CLTC: variants seen among roughly 807,000 people sequenced by gnomAD.
The protein encoded by CLTC is clathrin heavy chain, also known as clathrin heavy chain 1.
CLTC carries 16 observed loss-of-function variants against 195.8 expected under a neutral mutation model. The ratio of observed to expected loss-of-function variants is 0.08; its 90% CI spans 0.06 to 0.12. The LOEUF is 0.12. Among genes scored for constraint, CLTC ranks in the 10% least tolerant of loss-of-function variants. The probability of loss-of-function intolerance (pLI) is 1.00; values close to 1 mark genes in which losing one functional copy is unlikely to be tolerated. For missense variants in CLTC, 796 were observed against 2,027.0 expected (o/e 0.39, Z 11.66); for synonymous variants, 667 against 689.4 (o/e 0.97, Z 0.51).
chr17:59,625,036 AT>A (rs1198678010), intron 1 of CLTC, among the ~76,000 whole-genome samples: 3 of 152,146 alleles, frequency 2.0e-5, no homozygotes, highest in African/African-American at 7.2e-5. Flanking sequence ...TCAATATGTA[AT>A]CAGTATAAAA....
Position 59,644,284 on chromosome 17 carries a change from C to A in CLTC, c.51C>A (p.Asn17Lys). The A allele has an allele frequency of 6.2e-7, 1 of 1,613,328 alleles. No individual in the cohort carries two copies. Among genetic ancestry groups the A allele is most frequent in the Non-Finnish European group, 8.5e-7 (1 of 1,179,602 alleles). ...CTTATTATTTTTTCTAGCTCCAGAACCTGGGTATCAACCCAGCAAACATTG... is the reference window on the plus strand; with the variant it reads ...CTTATTATTTTTTCTAGCTCCAGAAACTGGGTATCAACCCAGCAAACATTG... Reference protein sequence around the residue: ...IRFQEHLQLQNLGINPANIGF... With the variant: ...IRFQEHLQLQKLGINPANIGF... The change falls in exon 2 of 32, where the codon AAC (asparagine) becomes AAA (lysine). Residue 17 changes from asparagine (N) to lysine (K), a missense_variant. Around this residue, in one of 9 missense-constraint regions of CLTC, gnomAD observed 24 missense variants for 29.8 expected, o/e 0.81. Coordinates refer to ENST00000269122, the MANE Select transcript of CLTC (RefSeq NM_004859.4).
intron 2 of CLTC, among the ~76,000 whole-genome samples, chr17:59,646,231 G>C (rs1342322829): frequency 6.6e-6 from 1 of 152,074 alleles, no homozygotes; most frequent in Non-Finnish European, 1.5e-5. Context: ...AGTTGAGGAA[G>C]GCAGCAAAGG....
chr17:59,652,896 G>A (rs147592704), intron 5 of CLTC, among the ~76,000 whole-genome samples: 452 of 152,320 alleles, frequency 3.0e-3, no homozygotes, highest in Non-Finnish European at 4.7e-3. Flanking sequence ...GTTGTTTAGT[G>A]TAGCCACCTT....
chr17:59,650,182 A>G (rs1328366695), intron 4 of CLTC, among the ~76,000 whole-genome samples: 1 of 152,094 alleles, frequency 6.6e-6, no homozygotes, highest in Non-Finnish European at 1.5e-5. Context: ...CATTGAGATT[A>G]TTTACTTTTC....
chr17:59,655,870 A>T lies in CLTC; in HGVS notation c.812A>T (p.Asp271Val). The T allele has an allele frequency of 6.3e-7, 1 of 1,584,466 alleles. No homozygotes were observed. The highest frequency in any genetic ancestry group is 8.5e-7 in the Non-Finnish European group (1 of 1,170,392). The change falls in exon 6 of 32, where the codon GAT becomes GTT. Residue 271 changes from aspartate to valine, a missense_variant. By Grantham distance (152) the Asp-to-Val change is radical (BLOSUM62 -3). Transcript: ENST00000269122. ...PVAMQISEKH[D>V]VVFLITKYGY... ...TTTCTGTAGATCAGTGAAAAGCATG[A>T]TGTGGTGTTCTTGATAACCAAGTAT... is the stretch of plus-strand genomic sequence containing the variant.
intron 2 of CLTC, among the ~76,000 whole-genome samples, chr17:59,645,468 A>AT (rs1258708847): frequency 1.3e-5 from 2 of 152,200 alleles, no homozygotes; most frequent in Non-Finnish European, 2.9e-5. Flanking sequence ...AATGAGACTA[A>AT]TTGACCCTTT....
At chr17:59,624,662 T>C (rs768001780) in intron 1 of CLTC, among the ~76,000 whole-genome samples, 23 of 151,752 alleles carry the variant, frequency 1.5e-4, no homozygotes, top group Non-Finnish European at 2.9e-4. Context: ...AGAGATGGGG[T>C]TTTACCATGT....
At chr17:59,624,210 C>T (rs948885830) in intron 1 of CLTC, among the ~76,000 whole-genome samples, 2 of 151,920 alleles carry the variant, frequency 1.3e-5, no homozygotes, top group Non-Finnish European at 1.5e-5. Context: ...GAATGCTGTC[C>T]GAATGGGATG....
Position 59,683,930 on chromosome 17 carries a change from A to G in CLTC, c.4379A>G (p.Asn1460Ser), listed in dbSNP as rs1445125731. 3 of 1,613,750 alleles carry G rather than the reference A, an allele frequency of 1.9e-6. No homozygotes were observed. The highest frequency in any genetic ancestry group is 1.1e-5 in the South Asian group (1 of 91,070). ...TTGCGTTCAGTTCAGAACCATAACA[A>G]CAAATCTGTGAATGAATCATTGAAC... ...PYLRSVQNHN[N>S]KSVNESLNNL... The change falls in exon 28 of 32, where the codon AAC becomes AGC. Residue 1460 changes from asparagine (N) to serine (S), a missense_variant. Transcript: ENST00000269122. The surrounding 1 kb of genome is among the most constrained non-coding windows in gnomAD (Gnocchi z 6.1).
intron 30 of CLTC, chr17:59,690,355 C>T (rs1170644421): frequency 2.6e-5 from 8 of 304,956 alleles, no homozygotes; most frequent in Non-Finnish European, 4.2e-5. Context: ...CTCGTTTTCT[C>T]CCTCCCTCAG....
At chr17:59,668,492 G>A (rs926335881) in intron 13 of CLTC, among the ~76,000 whole-genome samples, 22 of 152,200 alleles carry the variant, frequency 1.4e-4, no homozygotes, top group African/African-American at 5.3e-4. Flanking sequence ...TGAGGCTGCA[G>A]TGAGCTATGA....
intron 6 of CLTC, among the ~76,000 whole-genome samples, chr17:59,656,831 A>C (rs1288330563): frequency 1.1e-4 from 16 of 151,740 alleles, no homozygotes; most frequent in East Asian, 9.7e-4. Flanking sequence ...GAGTCACTGC[A>C]CCCGGCTAAT....
chr17:59,665,666 C>T, intron 10 of CLTC, among the ~76,000 whole-genome samples: 1 of 151,992 alleles, frequency 6.6e-6, no homozygotes, highest in Middle Eastern at 3.2e-3. Context: ...TAGCGAAACC[C>T]TGTCTCTACT....
Position 59,628,504 on chromosome 17 carries a change from C to G in CLTC, c.42+8331C>G, listed in dbSNP as rs1231042225. ...CTAAAGGAGAAAAACTACCATCTAC[C>G]CAGTTATTGAAGCCAAGATCTTGAA... On this transcript the variant is annotated intron_variant, in intron 1 of 31. Coordinates refer to ENST00000269122, the MANE Select transcript of CLTC (RefSeq NM_004859.4). Among the ~76,000 whole-genome samples the G allele has an allele frequency of 3.9e-5, 6 of 152,226 alleles. No individual in the cohort carries two copies. In the East Asian group the frequency reaches 1.2e-3, roughly 29 times the overall value.
At position 59,663,852 on chromosome 17, in the gene CLTC, C is replaced by A; in HGVS notation, c.1379C>A (p.Ser460Tyr). 1 of 1,612,126 alleles carries A rather than the reference C, an allele frequency of 6.2e-7. No homozygotes were observed. Among genetic ancestry groups the A allele is most frequent in the Non-Finnish European group, 8.5e-7 (1 of 1,179,358 alleles). Residue 460 changes from serine (S) to tyrosine (Y), a missense_variant, in exon 9 of 32, where the codon TCT (serine) becomes TAT (tyrosine). Physicochemically the swap from Ser to Tyr is moderately radical, Grantham distance 144. Around this residue, in one of 9 missense-constraint regions of CLTC, gnomAD observed 293 missense variants for 795.6 expected, o/e 0.37. Transcript: ENST00000269122. ...TTTTCCTTTGGACAGCTGGAATGTTCTGAAGAACTGGGTGATCTTGTGAAA... is the reference window on the plus strand; with the variant it reads ...TTTTCCTTTGGACAGCTGGAATGTTATGAAGAACTGGGTGATCTTGTGAAA... ...KWLKEDKLEC[S>Y]EELGDLVKSV...
chr17:59,664,717 G>C (rs1396379405), intron 9 of CLTC, 70 bp from the exon 10 acceptor site: 2 of 1,529,434 alleles, frequency 1.3e-6, no homozygotes, highest in Non-Finnish European at 1.8e-6. Flanking sequence ...AGATTTTATA[G>C]TAGAAAAAGT....
chr17:59,621,148 A>G (rs796471557), intron 1 of CLTC, among the ~76,000 whole-genome samples: 2 of 152,212 alleles, frequency 1.3e-5, no homozygotes, highest in African/African-American at 4.8e-5. Context: ...CCTGGAGGCA[A>G]CATATTGTTA....
intron 8 of CLTC, among the ~76,000 whole-genome samples, chr17:59,662,804 G>A (rs187478628): frequency 2.0e-5 from 3 of 152,312 alleles, no homozygotes; most frequent in East Asian, 3.9e-4. Context: ...GCTGAGTTTG[G>A]TGGCTTACGC....
chr17:59,627,597 C>T lies in CLTC; in HGVS notation c.42+7424C>T, dbSNP rs1424122639. ...TCTAGTAGTACTGTCGTTTGTTTAT[C>T]GTGAAATATTTTTTATATTATGAGA... is the stretch of plus-strand genomic sequence containing the variant. On this transcript the variant is annotated intron_variant, in intron 1 of 31. Transcript: ENST00000269122. 2.6e-5 allele frequency among the ~76,000 whole-genome samples: 4 copies of T among 151,510 alleles called. No individual in the cohort carries two copies. In the East Asian group the frequency reaches 7.8e-4, roughly 30 times the overall value.
Sources: gnomAD v4.1 joint callset for allele counts (sites outside exome capture counted in the v4.1 genomes callset) on GRCh38, gnomAD v4.1.1 for gene constraint, gnomAD v4.1.1 regional missense constraint, Gnocchi (gnomAD v3.1) non-coding constraint, MANE v1.5 for transcripts, NCBI Gene and HGNC (gene_info 2026-07-23, HGNC 2026-07-21) for gene names.